The following SCEL variants were observed in gnomAD, a reference collection of about 807,000 sequenced individuals.
SCEL encodes the protein sciellin.
SCEL carries 113 observed loss-of-function variants against 117.6 expected under a neutral mutation model. The observed-to-expected ratio is 0.96, with a 90% CI of 0.83 to 1.12. The LOEUF is 1.12. Among genes scored for constraint, SCEL ranks in the 50% most tolerant of loss-of-function variants. The pLI is 0.00. For missense variants in SCEL, 785 were observed against 810.8 expected (o/e 0.97, Z 0.39); for synonymous variants, 270 against 256.2 (o/e 1.05, Z -0.51).
intron 1 of SCEL, among the ~76,000 whole-genome samples, chr13:77,550,765 C>T (rs1029103036): frequency 3.3e-5 from 5 of 152,202 alleles, no homozygotes; most frequent in African/African-American, 4.8e-5. Context: ...CATTCATCCA[C>T]TGATGGACAT....
rs557493173 is a variant in SCEL at position 77,550,646 on chromosome 13, A to C, written c.-19-5211A>C. On this transcript the variant is annotated intron_variant, in intron 1 of 32. Coordinates refer to ENST00000349847, the MANE Select transcript of SCEL (RefSeq NM_144777.3). ...TCCTCTTCCGTGTCTGGCTTCTTTC[A>C]TTTAACTTAATGTTTCAAGTTTCAT... Among the ~76,000 whole-genome samples, 3 of 152,110 alleles carry C rather than the reference A, an allele frequency of 2.0e-5. No homozygotes were observed. In the South Asian group the frequency reaches 6.2e-4, roughly 32 times the overall value.
At chr13:77,595,974 ATC>A (rs79734788) in intron 12 of SCEL, among the ~76,000 whole-genome samples, 20,232 of 152,148 alleles carry the variant, frequency 0.13, 1,426 homozygotes, top group Non-Finnish European at 0.15. Context: ...TAGCAATTGC[ATC>A]TCTCTCTAAA....
chr13:77,599,576 A>G (rs1249710277), intron 14 of SCEL, 113 bp from the exon 15 acceptor site: 4 of 929,304 alleles, frequency 4.3e-6, no homozygotes, highest in Non-Finnish European at 7.0e-6. Flanking sequence ...CTTCCATTCA[A>G]TAAGAGTAAA....
intron 24 of SCEL, among the ~76,000 whole-genome samples, chr13:77,614,869 A>G (rs1202626506): frequency 6.6e-6 from 1 of 152,132 alleles, no homozygotes; most frequent in Non-Finnish European, 1.5e-5. Flanking sequence ...GCTTACAACT[A>G]GGTATCATTA....
In SCEL at chr13:77,608,416, A is replaced by C. The variant is rs1203918059; in HGVS notation, c.1217+301A>C. On this transcript the variant is annotated intron_variant, in intron 20 of 32. Transcript: ENST00000349847. ...GGAGTTCAAGTCCAGCCTGTCCAAC[A>C]TAGTGAAACCGTGTCTCTATAAAAA... Among the ~76,000 whole-genome samples the C allele has an allele frequency of 2.0e-5, 3 of 152,196 alleles. No homozygotes were observed. The East Asian group carries it at 5.8e-4, about 29-fold the overall frequency.
At chr13:77,544,698 T>C (rs180729482) in intron 1 of SCEL, among the ~76,000 whole-genome samples, 1 of 152,084 alleles carries the variant, frequency 6.6e-6, no homozygotes, top group African/African-American at 2.4e-5. Flanking sequence ...TTATTAGAGA[T>C]AGAAAATACT....
chr13:77,586,255 T>C (rs2086559456), intron 9 of SCEL, among the ~76,000 whole-genome samples: 1 of 152,154 alleles, frequency 6.6e-6, no homozygotes, highest in Non-Finnish European at 1.5e-5. Flanking sequence ...GATCTTGTTC[T>C]TCCCACTACT....
chr13:77,610,955 A>C (rs1417172339), intron 22 of SCEL, among the ~76,000 whole-genome samples: 2 of 152,212 alleles, frequency 1.3e-5, no homozygotes, highest in Non-Finnish European at 2.9e-5. Context: ...CAGCTTGTAA[A>C]TGTATATTGT....
intron 27 of SCEL, among the ~76,000 whole-genome samples, chr13:77,627,103 T>C (rs1413259644): frequency 1.3e-5 from 2 of 152,200 alleles, no homozygotes; most frequent in African/African-American, 4.8e-5. Flanking sequence ...GAATTATTTA[T>C]TCAAATTTTG....
chr13:77,575,945 C>A (rs958007269), intron 9 of SCEL, among the ~76,000 whole-genome samples: 2 of 152,224 alleles, frequency 1.3e-5, no homozygotes, highest in African/African-American at 4.8e-5. Flanking sequence ...TGTTCCTCAT[C>A]ACATTCCTCT....
At chr13:77,600,471 G>A (rs1207776676) in intron 15 of SCEL, among the ~76,000 whole-genome samples, 1 of 152,032 alleles carries the variant, frequency 6.6e-6, no homozygotes, top group Admixed American at 6.6e-5. Context: ...TTCTCAGTTG[G>A]AATCTTAGTT....
intron 24 of SCEL, among the ~76,000 whole-genome samples, chr13:77,614,968 A>G (rs1020517513): frequency 2.6e-5 from 4 of 152,166 alleles, no homozygotes; most frequent in African/African-American, 9.6e-5. Context: ...GGCAATTAAC[A>G]TAGATTAAAG....
chr13:77,562,392 A>G (rs1481978907), intron 4 of SCEL, among the ~76,000 whole-genome samples: 4 of 152,152 alleles, frequency 2.6e-5, no homozygotes, highest in African/African-American at 9.7e-5. Context: ...TGTATTAAAA[A>G]TTGGGGGAGT....
At chr13:77,604,519 A>G in intron 19 of SCEL, 104 bp downstream of exon 19, 2 of 834,752 alleles carry the variant, frequency 2.4e-6, no homozygotes, top group Non-Finnish European at 3.6e-6. Context: ...TCAGGCCAAA[A>G]CAAACTGAGC....
At chr13:77,623,837 A>C (rs1348945722) in intron 27 of SCEL, among the ~76,000 whole-genome samples, 1 of 152,212 alleles carries the variant, frequency 6.6e-6, no homozygotes, top group Non-Finnish European at 1.5e-5. Context: ...AAAGATGTCC[A>C]CCATAAGGCT....
Position 77,567,729 on chromosome 13 carries a change from G to A in SCEL, c.340G>A (p.Asp114Asn). The stretch of plus-strand genomic sequence containing the variant: ...TAAAACATATAAGGCCAATACCTTG[G>A]ATAACCAACTAACCAATAGGTACCA... Reference protein sequence around the residue: ...AAKTYKANTLDNQLTNRSMSM... With the variant: ...AAKTYKANTLNNQLTNRSMSM... Residue 114 changes from aspartate (D) to asparagine (N), a missense_variant, in exon 6 of 33, where the codon GAT (aspartate) becomes AAT (asparagine). By Grantham distance (23) the Asp-to-Asn change is conservative. Transcript: ENST00000349847. 1 of 1,605,304 alleles carries A rather than the reference G, an allele frequency of 6.2e-7. No individual in the cohort carries two copies. The highest frequency in any genetic ancestry group is 8.5e-7 in the Non-Finnish European group (1 of 1,175,208).
intron 9 of SCEL, among the ~76,000 whole-genome samples, chr13:77,588,267 T>C (rs533913272): frequency 7.2e-5 from 11 of 152,220 alleles, no homozygotes; most frequent in Non-Finnish European, 1.3e-4. Flanking sequence ...ATTAGAAAGA[T>C]TATTACAGAT....
intron 27 of SCEL, among the ~76,000 whole-genome samples, chr13:77,621,809 T>C (rs1032697224): frequency 2.0e-5 from 3 of 152,218 alleles, no homozygotes; most frequent in Non-Finnish European, 4.4e-5. Flanking sequence ...AGATTTCTTA[T>C]GACTGGTCTC....
At position 77,559,845 on chromosome 13, in the gene SCEL, C is replaced by T; in HGVS notation, c.203C>T (p.Ser68Phe). Residue 68 changes from serine to phenylalanine, a missense_variant, in exon 4 of 33, where the codon TCC becomes TTC. By Grantham distance (155) the Ser-to-Phe change is radical (BLOSUM62 -2). Transcript: ENST00000349847. ...AGGGTGGTGCTCAACCGACATAATT[C>T]CCATGATGCATTGGACAGGTGGGTG... ...YGRVVLNRHN[S>F]HDALDRKVNE... is the part of the protein sequence containing the mutation. 1 of 1,613,624 alleles carries T rather than the reference C, an allele frequency of 6.2e-7. No individual in the cohort carries two copies. The highest frequency in any genetic ancestry group is 1.1e-5 in the South Asian group (1 of 90,990).
Sources: allele counts gnomAD v4.1 joint callset (sites outside exome capture counted in the v4.1 genomes callset), GRCh38; gene constraint gnomAD v4.1.1; transcripts MANE v1.5; gene names NCBI Gene and HGNC (gene_info 2026-07-23, HGNC 2026-07-21).